The following GKAP1 variants were observed in gnomAD, a reference collection of about 807,000 sequenced individuals.
GKAP1 encodes the protein G kinase anchoring protein 1.
Under a neutral mutation model 56.7 loss-of-function variants are expected in GKAP1, and 31 were observed. That is an observed-to-expected ratio of 0.55 (90% CI 0.41 to 0.74). GKAP1 has a LOEUF of 0.74. Ranked by LOEUF, GKAP1 falls within the 30% of genes least tolerant of loss-of-function variation. GKAP1 has a pLI of 0.00. For synonymous variants in GKAP1, 151 were observed against 138.6 expected (o/e 1.09, Z -0.63); for missense variants, 364 against 402.3 (o/e 0.90, Z 0.82).
chr9:83,794,407 C>T (rs947219691), intron 4 of GKAP1, among the ~76,000 whole-genome samples: 3 of 152,164 alleles, frequency 2.0e-5, no homozygotes, highest in Non-Finnish European at 4.4e-5. Context: ...GGTAGTCAAA[C>T]TACTGCCAAG....
chr9:83,779,801 T>G (rs1022504622), intron 7 of GKAP1, among the ~76,000 whole-genome samples: 13 of 151,842 alleles, frequency 8.6e-5, no homozygotes, highest in Non-Finnish European at 1.5e-4. Flanking sequence ...TTAGAGCATT[T>G]TTTTAATAGC....
chr9:83,757,333 T>C (rs1005483155), intron 8 of GKAP1, among the ~76,000 whole-genome samples: 3 of 152,186 alleles, frequency 2.0e-5, no homozygotes, highest in African/African-American at 7.2e-5. Context: ...GTTAAGGATA[T>C]CCTGTATAAC....
At chr9:83,800,331 G>GTT (rs11460153) in intron 3 of GKAP1, among the ~76,000 whole-genome samples, 37 of 95,534 alleles carry the variant, frequency 3.9e-4, no homozygotes, top group East Asian at 2.8e-3. Flanking sequence ...GCCTCCTTAC[G>GTT]TTTTTTTTTT....
chr9:83,807,755 A>G (rs540605411), intron 2 of GKAP1, among the ~76,000 whole-genome samples: 38 of 152,318 alleles, frequency 2.5e-4, no homozygotes, highest in African/African-American at 8.7e-4. Flanking sequence ...GGTTACATAT[A>G]TATTTCTTAC....
At chr9:83,802,232 G>A (rs1042283273) in intron 3 of GKAP1, among the ~76,000 whole-genome samples, 1 of 152,162 alleles carries the variant, frequency 6.6e-6, no homozygotes, top group African/African-American at 2.4e-5. Context: ...TGCAATCCCA[G>A]TACTTTGGGA....
At position 83,817,725 on chromosome 9, in the gene GKAP1, G is replaced by A. The variant is rs1944647549; in HGVS notation, c.-384C>T. 6.6e-6 allele frequency: 1 copy of A among 152,326 alleles called. No individual in the cohort carries two copies. Among genetic ancestry groups the A allele is most frequent in the African/African-American group, 2.4e-5 (1 of 41,282 alleles). 9.4% of individuals were successfully genotyped at this position (152,326 alleles called of 1,614,324 possible). A position where few individuals can be genotyped will look rare whatever the true frequency, so the allele number is the denominator to read the frequency against. ...TCCCGGGGCGCCGGGGCGGACCGCGGAGGTGAGCGCGGCTGCAGGCTGCGG... is the reference window on the plus strand; with the variant it reads ...TCCCGGGGCGCCGGGGCGGACCGCGAAGGTGAGCGCGGCTGCAGGCTGCGG... On this transcript the variant is annotated 5_prime_UTR_variant, in exon 1 of 13. Coordinates refer to ENST00000376371, the MANE Select transcript of GKAP1 (RefSeq NM_025211.4).
At chr9:83,753,456 C>G in intron 8 of GKAP1, 97 bp from the exon 9 acceptor site, 2 of 794,336 alleles carry the variant, frequency 2.5e-6, no homozygotes, top group Non-Finnish European at 4.2e-6. Context: ...AAAATTCTGA[C>G]CTTAATTTTC....
chr9:83,749,403 T>A (rs1452391645), intron 9 of GKAP1, among the ~76,000 whole-genome samples: 2 of 152,042 alleles, frequency 1.3e-5, no homozygotes. Context: ...ATTTTTGTAT[T>A]TTCAGTACAG....
chr9:83,751,639 C>A (rs1297563871), intron 9 of GKAP1, among the ~76,000 whole-genome samples: 1 of 151,452 alleles, frequency 6.6e-6, no homozygotes, highest in Non-Finnish European at 1.5e-5. Context: ...TTCACTACCA[C>A]ATACACAGGG....
intron 8 of GKAP1, among the ~76,000 whole-genome samples, chr9:83,767,484 G>A (rs987006911): frequency 4.7e-5 from 7 of 149,344 alleles, no homozygotes; most frequent in East Asian, 2.0e-4. Context: ...TCAGCCTTCC[G>A]AGTAGCTGGG....
chr9:83,783,222 A>G (rs971355364), intron 6 of GKAP1, among the ~76,000 whole-genome samples: 6 of 152,240 alleles, frequency 3.9e-5, no homozygotes, highest in African/African-American at 4.8e-5. Flanking sequence ...CTGAATTCAT[A>G]TGAGTCAAAT....
intron 3 of GKAP1, 78 bp from the exon 4 acceptor site, chr9:83,799,406 A>C (rs1944296709): frequency 2.8e-6 from 3 of 1,057,728 alleles, no homozygotes; most frequent in Non-Finnish European, 2.7e-6. Context: ...TTAAAAAAAA[A>C]CCAATGATAT....
chr9:83,784,922 T>A (rs1385511808), intron 5 of GKAP1, 84 bp from the exon 6 acceptor site: 1 of 1,127,664 alleles, frequency 8.9e-7, no homozygotes, highest in Non-Finnish European at 1.2e-6. Flanking sequence ...TTCTTAAAGT[T>A]TATTTTTTAA....
At chr9:83,798,101 A>G (rs760203265) in intron 4 of GKAP1, among the ~76,000 whole-genome samples, 1 of 152,198 alleles carries the variant, frequency 6.6e-6, no homozygotes, top group Admixed American at 6.5e-5. Flanking sequence ...GCAAAATCCT[A>G]AAGAAAATGT....
chr9:83,776,194 C>G (rs1219174023), intron 7 of GKAP1, among the ~76,000 whole-genome samples: 1 of 152,086 alleles, frequency 6.6e-6, no homozygotes, highest in Non-Finnish European at 1.5e-5. Context: ...TTGAGTTGGG[C>G]TTCTGTTGCT....
intron 4 of GKAP1, among the ~76,000 whole-genome samples, chr9:83,793,227 C>A (rs1399756458): frequency 6.6e-6 from 1 of 152,166 alleles, no homozygotes; most frequent in African/African-American, 2.4e-5. Context: ...GTCTTCAATT[C>A]TCATAGGCAA....
At chr9:83,792,600 G>A (rs567325144) in intron 4 of GKAP1, among the ~76,000 whole-genome samples, 2 of 152,234 alleles carry the variant, frequency 1.3e-5, no homozygotes, top group East Asian at 1.9e-4. Flanking sequence ...AGGGAGAATG[G>A]TAGCACAAGA....
intron 6 of GKAP1, among the ~76,000 whole-genome samples, chr9:83,782,882 T>A (rs1944000152): frequency 6.6e-6 from 1 of 152,136 alleles, no homozygotes; most frequent in South Asian, 2.1e-4. Context: ...TTGGCCAGGC[T>A]GGGCTCGAAC....
chr9:83,747,071 T>A (rs999512205), intron 10 of GKAP1, among the ~76,000 whole-genome samples: 1 of 152,244 alleles, frequency 6.6e-6, no homozygotes, highest in Non-Finnish European at 1.5e-5. Context: ...TAATTTTGTC[T>A]ATTCAGAGAA....
Sources: gnomAD v4.1 joint callset for allele counts (sites outside exome capture counted in the v4.1 genomes callset) on GRCh38, gnomAD v4.1.1 for gene constraint, MANE v1.5 for transcripts, NCBI Gene and HGNC (gene_info 2026-07-23, HGNC 2026-07-21) for gene names.